THSD4: variants seen among roughly 807,000 people sequenced by gnomAD.
THSD4 encodes the protein thrombospondin type-1 domain-containing protein 4.
Under a neutral mutation model 119.0 loss-of-function variants are expected in THSD4, and 69 were observed. That is an observed-to-expected ratio of 0.58 (90% confidence interval 0.48 to 0.71). The LOEUF (loss-of-function observed/expected upper bound fraction) is 0.71, where lower values mean the gene tolerates loss of function less well. Among genes scored for constraint, THSD4 ranks in the 30% least tolerant of loss-of-function variants. THSD4 has a pLI of 0.00. For synonymous variants in THSD4, 524 were observed against 540.4 expected (o/e 0.97, Z 0.42); for missense variants, 1,393 against 1,391.1 (o/e 1.00, Z -0.02).
At chr15:71,235,593 T>C (rs2044097135) in intron 4 of THSD4, among the ~76,000 whole-genome samples, 1 of 149,964 alleles carries the variant, frequency 6.7e-6, no homozygotes, top group Non-Finnish European at 1.5e-5. Context: ...CTTTTTTTTT[T>C]TTTTTTTTTT....
chr15:71,499,000 C>T (rs1032041015), intron 7 of THSD4, among the ~76,000 whole-genome samples: 19 of 152,050 alleles, frequency 1.2e-4, no homozygotes, highest in African/African-American at 3.9e-4. Context: ...CCGCCACACC[C>T]GGCACAGGTC....
intron 3 of THSD4, among the ~76,000 whole-genome samples, chr15:71,171,297 G>T (rs2043360301): frequency 6.6e-6 from 1 of 152,050 alleles, no homozygotes; most frequent in Non-Finnish European, 1.5e-5. Context: ...AGAAAAAATA[G>T]ACATATTACA....
chr15:71,620,200 T>A (rs1406349145), intron 7 of THSD4, among the ~76,000 whole-genome samples: 1 of 152,174 alleles, frequency 6.6e-6, no homozygotes, highest in Non-Finnish European at 1.5e-5. Context: ...TTTCTGATAT[T>A]CTGTTTTCTC....
intron 6 of THSD4, among the ~76,000 whole-genome samples, chr15:71,257,270 A>G (rs1036325379): frequency 6.6e-6 from 1 of 152,220 alleles, no homozygotes; most frequent in African/African-American, 2.4e-5. Flanking sequence ...CCCACTCTGC[A>G]TGCTGGAGTC....
chr15:71,368,488 C>G (rs912309603), intron 6 of THSD4, among the ~76,000 whole-genome samples: 2 of 152,214 alleles, frequency 1.3e-5, no homozygotes, highest in African/African-American at 4.8e-5. Context: ...GATCCAGTTT[C>G]AGCTTTCCAC....
intron 10 of THSD4, among the ~76,000 whole-genome samples, chr15:71,736,066 TC>T (rs1454922121): frequency 1.9e-5 from 1 of 53,736 alleles, no homozygotes; most frequent in African/African-American, 6.1e-5. Context: ...TCTCTATCTC[TC>T]TGTCTCTCTC....
intron 1 of THSD4, among the ~76,000 whole-genome samples, chr15:71,106,867 TAAA>T (rs35886943): frequency 6.9e-6 from 1 of 144,792 alleles, no homozygotes; most frequent in African/African-American, 2.5e-5. Context: ...CTACCAGCTT[TAAA>T]AAAAAAAAAA....
intron 7 of THSD4, among the ~76,000 whole-genome samples, chr15:71,527,614 A>T (rs963099685): frequency 4.6e-5 from 7 of 151,150 alleles, no homozygotes; most frequent in Non-Finnish European, 8.9e-5. Flanking sequence ...CACTTTAGTT[A>T]ATGTTTTTTC....
Position 71,567,602 on chromosome 15 carries a change from C to CCACA in THSD4, c.1153-92911_1153-92908dup, listed in dbSNP as rs71154785. The stretch of plus-strand genomic sequence containing the variant: ...CCTGGACAAGAACAAAGACACCCCC[C>CCACA]CACACACACACACACACACATGAAA... On this transcript the variant is annotated intron_variant, in intron 7 of 17. Coordinates refer to ENST00000261862, the MANE Select transcript of THSD4 (RefSeq NM_024817.3). Among the ~76,000 whole-genome samples, 67 of 142,614 alleles carry CCACA rather than the reference C, an allele frequency of 4.7e-4. 1 individual carries two copies. In the South Asian group the frequency reaches 5.9e-3, roughly 13 times the overall value. The allele number at this position is 142,614 out of a possible 152,430, so 93.6% of individuals were successfully genotyped here. A position where few individuals can be genotyped will look rare whatever the true frequency, so the allele number is the denominator to read the frequency against.
At chr15:71,139,668 T>A (rs586642) in intron 1 of THSD4, among the ~76,000 whole-genome samples, 18,103 of 152,274 alleles carry the variant, frequency 0.12, 2,131 homozygotes, top group African/African-American at 0.31. Context: ...CTTAAAATCT[T>A]GATTCTTTTT....
chr15:71,114,439 G>A (rs116208235), upstream of THSD4, among the ~76,000 whole-genome samples: 1 of 152,206 alleles, frequency 6.6e-6, no homozygotes, highest in Admixed American at 6.5e-5. Context: ...TGAAATTTAG[G>A]GAAACGCCTG....
At chr15:71,115,284 T>A (rs546110210), upstream of THSD4, 31 of 152,424 alleles carry the variant, frequency 2.0e-4, no homozygotes, top group African/African-American at 7.5e-4. This position sits in a 1 kb window ranked among gnomAD's most constrained non-coding sequence, Gnocchi z 4.4. Flanking sequence ...TCCTACTGGG[T>A]GATGTCTCTT....
At chr15:71,385,903 C>T (rs937701899) in intron 6 of THSD4, among the ~76,000 whole-genome samples, 4 of 152,102 alleles carry the variant, frequency 2.6e-5, no homozygotes, top group African/African-American at 7.2e-5. Flanking sequence ...GTGAGTTTAA[C>T]ACCAGGAAAC....
intron 6 of THSD4, among the ~76,000 whole-genome samples, chr15:71,300,828 G>T (rs2044938728): frequency 6.6e-6 from 1 of 152,190 alleles, no homozygotes; most frequent in Admixed American, 6.5e-5. Flanking sequence ...AGTTCTAATA[G>T]AGCATCAAAG....
intron 8 of THSD4, among the ~76,000 whole-genome samples, chr15:71,684,804 TTA>T (rs1405703137): frequency 6.6e-6 from 1 of 152,138 alleles, no homozygotes; most frequent in Non-Finnish European, 1.5e-5. Context: ...CTGGAAAAGC[TTA>T]TATAATAATC....
intron 7 of THSD4, among the ~76,000 whole-genome samples, chr15:71,457,379 C>CAAAA (rs10708714): frequency 9.9e-5 from 5 of 50,580 alleles, no homozygotes; most frequent in African/African-American, 1.6e-4. Context: ...GATCTCGCCT[C>CAAAA]AAAAAAAAAA....
At chr15:71,727,392 GA>G (rs2052863255) in intron 8 of THSD4, among the ~76,000 whole-genome samples, 2 of 151,616 alleles carry the variant, frequency 1.3e-5, no homozygotes, top group South Asian at 4.2e-4. Flanking sequence ...TGTAAGTAGA[GA>G]GAATTATAAG....
chr15:71,273,550 A>G (rs2044557450), intron 6 of THSD4, among the ~76,000 whole-genome samples: 1 of 152,218 alleles, frequency 6.6e-6, no homozygotes, highest in African/African-American at 2.4e-5. Flanking sequence ...AAATGTTCTC[A>G]CCACAAAGAA....
chr15:71,528,959 C>T (rs753526303), intron 7 of THSD4, among the ~76,000 whole-genome samples: 2 of 150,312 alleles, frequency 1.3e-5, no homozygotes, highest in Non-Finnish European at 2.9e-5. Context: ...GGCAAAGACT[C>T]TTTCGTTGTC....
Sources: allele counts gnomAD v4.1 joint callset (sites outside exome capture counted in the v4.1 genomes callset), GRCh38; gene constraint gnomAD v4.1.1; non-coding constraint Gnocchi (gnomAD v3.1); transcripts MANE v1.5; gene names NCBI Gene and HGNC (gene_info 2026-07-23, HGNC 2026-07-21).